PABPC4L: variants seen among roughly 807,000 people sequenced by gnomAD.
PABPC4L encodes polyadenylate-binding protein 4-like.
For synonymous variants in PABPC4L, 169 were observed against 164.1 expected (o/e 1.03, Z -0.23); for missense variants, 452 against 451.4 (o/e 1.00, Z -0.01).
chr4:134,093,039 A>AT, the PABPC4L span, among the ~76,000 whole-genome samples: 34 of 151,528 alleles, frequency 2.2e-4, no homozygotes, highest in Non-Finnish European at 3.4e-4. Context: ...TAGCTCAATA[A>AT]TTTTTTTTGT....
In PABPC4L at chr4:134,199,907, C is replaced by G; in HGVS notation, c.1113G>C (p.Ter371TyrextTer9). 1 of 1,550,620 alleles carries G rather than the reference C, an allele frequency of 6.4e-7. No homozygotes were observed. The highest frequency in any genetic ancestry group is 2.0e-5 in the Admixed American group (1 of 50,698). Residue 371 changes from the stop codon to tyrosine, a stop_lost, in exon 2 of 2, where the codon TAG becomes TAC. Transcript: ENST00000421491. ...PLSIALAQRH[*>Y] The stretch of plus-strand genomic sequence containing the variant: ...AGCTGGAAAGGTACGTTTTTCTTTC[C>G]TAGTGTCTCTGGGCCAAGGCAATGC...
At chr4:134,124,837 T>C in the PABPC4L span, among the ~76,000 whole-genome samples, 1 of 152,068 alleles carries the variant, frequency 6.6e-6, no homozygotes, top group Non-Finnish European at 1.5e-5. Flanking sequence ...AGCCATCTCT[T>C]AGCAACACCA....
At chr4:134,040,784 C>T in the PABPC4L span, among the ~76,000 whole-genome samples, 1 of 152,172 alleles carries the variant, frequency 6.6e-6, no homozygotes, top group East Asian at 1.9e-4. Context: ...TCAGAGTGAA[C>T]AGGCAACCTA....
chr4:133,948,720 G>A, the PABPC4L span, among the ~76,000 whole-genome samples: 30 of 152,148 alleles, frequency 2.0e-4, no homozygotes, highest in African/African-American at 7.0e-4. Flanking sequence ...AGGGGAAATG[G>A]AACCACCTGT....
chr4:133,980,215 T>C, the PABPC4L span, among the ~76,000 whole-genome samples: 1 of 152,212 alleles, frequency 6.6e-6, no homozygotes, highest in Non-Finnish European at 1.5e-5. Flanking sequence ...ATCATTATTC[T>C]ACAGGAACCA....
At chr4:134,134,439 G>A in the PABPC4L span, among the ~76,000 whole-genome samples, 70,273 of 151,628 alleles carry the variant, frequency 0.46, 19,075 homozygotes, top group East Asian at 0.98. Flanking sequence ...ACATCAGATA[G>A]TTTTAGATGT....
At chr4:134,164,595 A>G in the PABPC4L span, among the ~76,000 whole-genome samples, 1 of 152,188 alleles carries the variant, frequency 6.6e-6, no homozygotes, top group Non-Finnish European at 1.5e-5. Context: ...ACAAGGAGAA[A>G]TACAAAAGTG....
chr4:133,968,331 A>T, the PABPC4L span, among the ~76,000 whole-genome samples: 1 of 152,182 alleles, frequency 6.6e-6, no homozygotes, highest in African/African-American at 2.4e-5. Context: ...GACTGGGAAA[A>T]AACATCCTCC....
chr4:134,082,657 T>C, the PABPC4L span, among the ~76,000 whole-genome samples: 2 of 152,268 alleles, frequency 1.3e-5, no homozygotes, highest in East Asian at 3.9e-4. Context: ...AGAGTCTCCT[T>C]GCTGAGAATT....
chr4:134,054,105 T>C, the PABPC4L span, among the ~76,000 whole-genome samples: 1 of 151,598 alleles, frequency 6.6e-6, no homozygotes, highest in South Asian at 2.1e-4. Flanking sequence ...TAATAAACTT[T>C]AATGAGAATA....
the PABPC4L span, among the ~76,000 whole-genome samples, chr4:134,007,883 A>C: frequency 6.6e-6 from 1 of 151,912 alleles, no homozygotes; most frequent in Admixed American, 6.6e-5. Context: ...TTATTAAAGG[A>C]GATAAACTGT....
the PABPC4L span, among the ~76,000 whole-genome samples, chr4:134,175,089 T>A: frequency 6.6e-6 from 1 of 152,154 alleles, no homozygotes; most frequent in African/African-American, 2.4e-5. Context: ...AGAGGTAAGA[T>A]CAGATCTTCA....
the PABPC4L span, among the ~76,000 whole-genome samples, chr4:134,185,454 A>T: frequency 2.0e-5 from 3 of 152,194 alleles, no homozygotes; most frequent in African/African-American, 7.2e-5. Flanking sequence ...TTATCTCAAT[A>T]GATGCAGAAA....
chr4:134,105,052 G>T, the PABPC4L span, among the ~76,000 whole-genome samples: 3 of 151,698 alleles, frequency 2.0e-5, no homozygotes, highest in Non-Finnish European at 4.4e-5. Context: ...AAGGTATAAA[G>T]TGCAACAAAA....
chr4:134,173,256 A>G, the PABPC4L span, among the ~76,000 whole-genome samples: 2 of 152,044 alleles, frequency 1.3e-5, no homozygotes, highest in South Asian at 4.1e-4. Flanking sequence ...GGAAATCTGT[A>G]TATCAAAGAG....
At chr4:134,075,985 C>T in the PABPC4L span, among the ~76,000 whole-genome samples, 1 of 150,004 alleles carries the variant, frequency 6.7e-6, no homozygotes, top group Non-Finnish European at 1.5e-5. Flanking sequence ...AACAAATGAA[C>T]AGGGCAATCA....
chr4:133,958,273 A>G, the PABPC4L span, among the ~76,000 whole-genome samples: 2 of 152,190 alleles, frequency 1.3e-5, no homozygotes, highest in Non-Finnish European at 2.9e-5. Flanking sequence ...GCATAACAAG[A>G]GTGACCTTTG....
chr4:134,012,908 A>T, the PABPC4L span, among the ~76,000 whole-genome samples: 1 of 152,238 alleles, frequency 6.6e-6, no homozygotes, highest in East Asian at 1.9e-4. Flanking sequence ...GAAACAAAGG[A>T]GACACGTTTT....
At chr4:134,156,711 A>C in the PABPC4L span, among the ~76,000 whole-genome samples, 2 of 151,834 alleles carry the variant, frequency 1.3e-5, no homozygotes, top group Non-Finnish European at 3.0e-5. Flanking sequence ...TTCAGTAATA[A>C]AGTCTGCATT....
Sources: gnomAD v4.1 joint callset for allele counts (sites outside exome capture counted in the v4.1 genomes callset) on GRCh38, gnomAD v4.1.1 for gene constraint, MANE v1.5 for transcripts, NCBI Gene and HGNC (gene_info 2026-07-23, HGNC 2026-07-21) for gene names.